WASF1: variants seen among roughly 807,000 people sequenced by gnomAD.
WASF1 encodes WASP family member 1.
A neutral mutation model predicts 50.5 loss-of-function variants in WASF1; 7 were observed. The ratio of observed to expected loss-of-function variants is 0.14; its 90% CI spans 0.08 to 0.26. WASF1 has a LOEUF of 0.26. WASF1 is among the 10% of genes least tolerant of loss of function. The pLI is 1.00. For missense variants in WASF1, 470 were observed against 694.7 expected, an observed-to-expected ratio of 0.68 and a Z score of 3.64; for synonymous variants, 205 against 244.0, an observed-to-expected ratio of 0.84 and a Z score of 1.49.
At chr6:110,110,223 A>C (rs772924436) in intron 5 of WASF1, among the ~76,000 whole-genome samples, 4 of 152,206 alleles carry the variant, frequency 2.6e-5, no homozygotes, top group Non-Finnish European at 4.4e-5. Flanking sequence ...AAATATAAGA[A>C]AGCTAAGGCT....
chr6:110,166,165 T>C lies in WASF1; in HGVS notation c.-126-5433A>G, dbSNP rs150760770. Among the ~76,000 whole-genome samples, 878 of 151,430 alleles carry C rather than the reference T, an allele frequency of 5.8e-3. 16 individuals are homozygous for C. The highest frequency in any genetic ancestry group is 0.034 in the Admixed American group (510 of 15,156). ...TAAAGGAAATGGAAAAGCAGATGAA[T>C]GCTTATGAAAAAGAAACAGTGTCTT... On this transcript the variant is annotated intron_variant, in intron 2 of 10. Transcript: ENST00000392589.
intron 4 of WASF1, among the ~76,000 whole-genome samples, chr6:110,126,723 A>T (rs1485812015): frequency 6.6e-6 from 1 of 152,242 alleles, no homozygotes; most frequent in Non-Finnish European, 1.5e-5. Context: ...AATGCAAAAG[A>T]CAGACCAGAT....
chr6:110,175,958 C>T (rs1776909926), intron 2 of WASF1, among the ~76,000 whole-genome samples: 1 of 151,902 alleles, frequency 6.6e-6, no homozygotes, highest in Non-Finnish European at 1.5e-5. Flanking sequence ...TTAACATAAT[C>T]CTATAATTCA....
At chr6:110,101,515 A>G in intron 10 of WASF1, 73 bp downstream of exon 10, 1 of 1,517,552 alleles carries the variant, frequency 6.6e-7, no homozygotes, top group Non-Finnish European at 8.8e-7. Flanking sequence ...TAAGGAACAC[A>G]TTTTTGTCTT....
intron 2 of WASF1, among the ~76,000 whole-genome samples, chr6:110,161,579 G>C (rs551997548): frequency 1.3e-5 from 2 of 151,436 alleles, no homozygotes; most frequent in Non-Finnish European, 3.0e-5. Context: ...CTCATTTATC[G>C]CACTGTATTA....
At chr6:110,105,380 T>A (rs925783761) in intron 8 of WASF1, 27 bp downstream of exon 8, 62 of 1,215,122 alleles carry the variant, frequency 5.1e-5, no homozygotes, top group Admixed American at 1.7e-4. Flanking sequence ...TTTTATCATT[T>A]AAAAAAAAAA....
chr6:110,131,316 T>C (rs1420219784), intron 3 of WASF1, among the ~76,000 whole-genome samples: 1 of 152,220 alleles, frequency 6.6e-6, no homozygotes, highest in Non-Finnish European at 1.5e-5. Context: ...GGAATTAATT[T>C]TGTGAATGGT....
rs367905503 is a variant in WASF1 at position 110,107,137 on chromosome 6, T to C, written c.480A>G (p.Leu160=). 6 of 1,609,074 alleles carry C rather than the reference T, an allele frequency of 3.7e-6. No homozygotes were observed. Among genetic ancestry groups the C allele is most frequent in the South Asian group, 2.2e-5 (2 of 89,692 alleles). The change falls in exon 7 of 11, where the codon CTA becomes CTG. Residue 160 remains leucine (L), a synonymous_variant. Transcript: ENST00000392589. The part of the protein sequence containing the change: ...FYTNPSYFFD[L]WKEKMLQDTE... Reference sequence around the variant, plus strand: ...TATCTTGCAACATTTTTTCTTTCCATAGATCAAAGAAATACGAAGGATTGG... The same window carrying C: ...TATCTTGCAACATTTTTTCTTTCCACAGATCAAAGAAATACGAAGGATTGG...
chr6:110,106,244 T>C (rs897335194), intron 7 of WASF1, among the ~76,000 whole-genome samples: 9 of 152,184 alleles, frequency 5.9e-5, no homozygotes, highest in Admixed American at 2.0e-4. Context: ...GACATGTCCA[T>C]CTCAGGCACT....
At chr6:110,145,452 C>T (rs1017382562) in intron 3 of WASF1, among the ~76,000 whole-genome samples, 1 of 152,092 alleles carries the variant, frequency 6.6e-6, no homozygotes, top group Non-Finnish European at 1.5e-5. Flanking sequence ...GCCCTTTATT[C>T]CCTTCTCCTG....
intron 4 of WASF1, among the ~76,000 whole-genome samples, chr6:110,122,373 G>A (rs1774179913): frequency 2.0e-5 from 3 of 152,086 alleles, no homozygotes; most frequent in African/African-American, 4.8e-5. Flanking sequence ...CTATGATACA[G>A]TACCAAAACT....
chr6:110,140,524 T>C (rs1369199994), intron 3 of WASF1, among the ~76,000 whole-genome samples: 1 of 152,126 alleles, frequency 6.6e-6, no homozygotes, highest in African/African-American at 2.4e-5. Flanking sequence ...GGTGGCAGTC[T>C]TGTGGGACTG....
intron 3 of WASF1, among the ~76,000 whole-genome samples, chr6:110,130,218 A>G (rs1005035057): frequency 5.3e-5 from 8 of 152,212 alleles, no homozygotes; most frequent in African/African-American, 1.7e-4. Context: ...TGTAGAGAAA[A>G]AAAGCATACA....
At chr6:110,102,298 C>T in intron 9 of WASF1, 82 bp from the exon 10 acceptor site, 1 of 1,294,670 alleles carries the variant, frequency 7.7e-7, no homozygotes, top group Non-Finnish European at 9.9e-7. Flanking sequence ...CTATAAATGA[C>T]TATCAGTAAT....
At chr6:110,121,231 C>A (rs894763814) in intron 4 of WASF1, among the ~76,000 whole-genome samples, 38 of 152,244 alleles carry the variant, frequency 2.5e-4, no homozygotes, top group African/African-American at 8.9e-4. Context: ...AAAGCAACTA[C>A]CATCAGAGTG....
At chr6:110,127,965 T>A (rs1244358493) in intron 3 of WASF1, among the ~76,000 whole-genome samples, 1 of 152,228 alleles carries the variant, frequency 6.6e-6, no homozygotes, top group Non-Finnish European at 1.5e-5. Context: ...ATATAATACA[T>A]ATAACTTACA....
intron 8 of WASF1, among the ~76,000 whole-genome samples, chr6:110,103,933 C>A (rs1008215561): frequency 7.3e-5 from 11 of 151,656 alleles, no homozygotes; most frequent in Non-Finnish European, 1.6e-4. Flanking sequence ...AAGAAGATGC[C>A]AATGACAGAA....
chr6:110,124,241 T>TCTCCTTCCTCTCTCTCC (rs1562170326), intron 4 of WASF1, among the ~76,000 whole-genome samples: 2 of 32,746 alleles, frequency 6.1e-5, no homozygotes, highest in East Asian at 1.4e-3. Flanking sequence ...CTCTCCTCTC[T>TCTCCTTCCTCTCTCTCC]CTCTCTCTCT....
At chr6:110,108,968 C>T (rs571576742) in intron 5 of WASF1, among the ~76,000 whole-genome samples, 1 of 152,098 alleles carries the variant, frequency 6.6e-6, no homozygotes, top group Non-Finnish European at 1.5e-5. Flanking sequence ...CCAAATATAC[C>T]TTTTTCTTTC....
Sources: gnomAD v4.1 joint callset for allele counts (sites outside exome capture counted in the v4.1 genomes callset) on GRCh38, gnomAD v4.1.1 for gene constraint, MANE v1.5 for transcripts, NCBI Gene and HGNC (gene_info 2026-07-23, HGNC 2026-07-21) for gene names.